The following SPP2 variants were observed in gnomAD, a reference collection of about 807,000 sequenced individuals.
SPP2 encodes the protein secreted phosphoprotein 24.
Under a neutral mutation model 28.8 loss-of-function variants are expected in SPP2, and 34 were observed. That is an observed-to-expected ratio of 1.18 (90% CI 0.90 to 1.57). The LOEUF is 1.57. SPP2 is among the 40% of genes most tolerant of loss of function. SPP2 has a pLI of 0.00. For missense variants in SPP2, 269 were observed against 263.9 expected (o/e 1.02, Z -0.13); for synonymous variants, 96 against 89.4 (o/e 1.07, Z -0.42).
intron 2 of SPP2, among the ~76,000 whole-genome samples, chr2:234,057,563 T>C (rs1693633837): frequency 6.6e-6 from 1 of 152,246 alleles, no homozygotes; most frequent in African/African-American, 2.4e-5. Context: ...CTTGGATAGT[T>C]TTCTTTGATG....
In SPP2 at chr2:234,063,186, T is replaced by C. The variant is rs140863894; in HGVS notation, c.444+2707T>C. Among the ~76,000 whole-genome samples the C allele has an allele frequency of 2.0e-5, 3 of 151,934 alleles. No homozygotes were observed. In the East Asian group the frequency reaches 5.8e-4, roughly 29 times the overall value. Reference sequence around the variant, plus strand: ...AAAAAAAATGGCAATATTATAAATATGAAAGACATTAGATTAGGATACATT... The same window carrying C: ...AAAAAAAATGGCAATATTATAAATACGAAAGACATTAGATTAGGATACATT... On this transcript the variant is annotated intron_variant, in intron 4 of 7. Transcript: ENST00000168148.
Position 234,050,756 on chromosome 2 carries a change from G to A in SPP2, c.-31G>A, listed in dbSNP as rs775834008. On this transcript the variant is annotated 5_prime_UTR_variant, in exon 1 of 8. Transcript: ENST00000168148. ...AAGAACTGTCATCCCCAAACACATA[G>A]AGAGACACTCTCTGTCTCTCGATTA... 1 of 1,601,876 alleles carries A rather than the reference G, an allele frequency of 6.2e-7. No homozygotes were observed. Among genetic ancestry groups the A allele is most frequent in the Non-Finnish European group, 8.6e-7 (1 of 1,169,216 alleles).
chr2:234,067,411 G>A (rs1693844070), intron 6 of SPP2, 137 bp downstream of exon 6: 2 of 836,228 alleles, frequency 2.4e-6, no homozygotes, highest in Admixed American at 5.1e-5. Flanking sequence ...AGTAAAAAAG[G>A]AAAAGAATAG....
At chr2:234,067,670 G>T (rs1693850646) in intron 6 of SPP2, among the ~76,000 whole-genome samples, 2 of 150,958 alleles carry the variant, frequency 1.3e-5, no homozygotes, top group Non-Finnish European at 1.5e-5. Context: ...CCAGCTACTC[G>T]GGAGGCTAAG....
At chr2:234,073,437 G>T (rs1038671355) in intron 7 of SPP2, among the ~76,000 whole-genome samples, 22 of 152,152 alleles carry the variant, frequency 1.4e-4, no homozygotes, top group African/African-American at 4.6e-4. Flanking sequence ...GCTCTTTGAA[G>T]GCAGAGACTT....
intron 7 of SPP2, 98 bp downstream of exon 7, chr2:234,070,121 A>G (rs759702979): frequency 1.5e-4 from 142 of 936,294 alleles, no homozygotes; most frequent in Non-Finnish European, 2.0e-4. Context: ...GCAATATGCT[A>G]TTCAAATCCT....
intron 2 of SPP2, among the ~76,000 whole-genome samples, chr2:234,054,741 G>A (rs193190019): frequency 6.6e-6 from 1 of 152,270 alleles, no homozygotes; most frequent in African/African-American, 2.4e-5. Context: ...GGGACAAACA[G>A]TCCATTGCAA....
At chr2:234,074,383 C>T (rs942880329) in intron 7 of SPP2, among the ~76,000 whole-genome samples, 1 of 152,144 alleles carries the variant, frequency 6.6e-6, no homozygotes, top group Admixed American at 6.5e-5. Context: ...ACCACCACCG[C>T]CAGCTTTCTG....
chr2:234,059,038 A>G, intron 3 of SPP2, 80 bp downstream of exon 3: 1 of 1,524,902 alleles, frequency 6.6e-7, no homozygotes, highest in Non-Finnish European at 8.8e-7. Flanking sequence ...CACACAAAGA[A>G]CTTGGTCGCT....
chr2:234,067,325 G>A, intron 6 of SPP2, 51 bp downstream of exon 6: 1 of 1,526,244 alleles, frequency 6.6e-7, no homozygotes, highest in Non-Finnish European at 9.1e-7. Flanking sequence ...TGATCAATCT[G>A]GACTCCTGAG....
In SPP2 at chr2:234,066,581, C is replaced by A. The variant is rs1408593199; in HGVS notation, c.493C>A (p.Leu165Ile). 1 of 1,611,174 alleles carries A rather than the reference C, an allele frequency of 6.2e-7. No individual in the cohort carries two copies. Among genetic ancestry groups the A allele is most frequent in the Non-Finnish European group, 8.5e-7 (1 of 1,179,002 alleles). The change falls in exon 5 of 8, where the codon CTA becomes ATA. Residue 165 changes from leucine (L) to isoleucine (I), a missense_variant. Physicochemically the swap from Leu to Ile is conservative, Grantham distance 5. Coordinates refer to ENST00000168148, the MANE Select transcript of SPP2 (RefSeq NM_006944.3). ...LGSHKWRNNY[L>I]FGLISDESIS... ...ATCTCATAAATGGAGAAACAATTATCTATTTGGTAAGTTAAGATCTGTTCT... is the reference window on the plus strand; with the variant it reads ...ATCTCATAAATGGAGAAACAATTATATATTTGGTAAGTTAAGATCTGTTCT...
chr2:234,075,896 A>G (rs1690885156), intron 7 of SPP2, among the ~76,000 whole-genome samples: 1 of 152,176 alleles, frequency 6.6e-6, no homozygotes, highest in South Asian at 2.1e-4. Context: ...CCTGAAGCAG[A>G]TGCATCTCAG....
At position 234,051,160 on chromosome 2, in the gene SPP2, T is replaced by C. The variant is rs1693489389; in HGVS notation, c.210+65T>C. 6 of 1,567,348 alleles carry C rather than the reference T, an allele frequency of 3.8e-6. No individual in the cohort carries two copies. In the East Asian group the frequency reaches 1.1e-4, roughly 30 times the overall value. On this transcript the variant is annotated intron_variant, in intron 2 of 7. Coordinates refer to ENST00000168148, the MANE Select transcript of SPP2 (RefSeq NM_006944.3). ...TGCTGTCTGCCTTTTGTCAGTTCAT[T>C]GGATATACTTTTAAGAAATTTTCTC...
chr2:234,054,321 G>A (rs1224737110), intron 2 of SPP2, among the ~76,000 whole-genome samples: 2 of 152,128 alleles, frequency 1.3e-5, no homozygotes, highest in Non-Finnish European at 2.9e-5. Context: ...AGGAGTTTGA[G>A]GTCTGTTTTA....
intron 7 of SPP2, among the ~76,000 whole-genome samples, chr2:234,073,761 C>A (rs957279612): frequency 5.3e-5 from 8 of 152,150 alleles, no homozygotes; most frequent in Non-Finnish European, 8.8e-5. Context: ...ATGCATTTTT[C>A]TTTATGTCAC....
intron 5 of SPP2, among the ~76,000 whole-genome samples, 198 bp downstream of exon 5, chr2:234,066,785 A>T (rs533495230): frequency 3.9e-5 from 6 of 152,346 alleles, no homozygotes; most frequent in Admixed American, 3.3e-4. Context: ...ATTCACTTAG[A>T]TATTCCTTTG....
chr2:234,069,256 T>C (rs1693887040), intron 6 of SPP2, among the ~76,000 whole-genome samples: 1 of 152,096 alleles, frequency 6.6e-6, no homozygotes, highest in African/African-American at 2.4e-5. Context: ...ACACAGTCTT[T>C]TATAAACTAA....
At position 234,060,560 on chromosome 2, in the gene SPP2, G is replaced by A. The variant is rs1439038310; in HGVS notation, c.444+81G>A. ...TTGTGAAAAACAGAGTGGTTTGCTGGGTAGCTGGATCATCACCTGGGCTTG... is the reference window on the plus strand; with the variant it reads ...TTGTGAAAAACAGAGTGGTTTGCTGAGTAGCTGGATCATCACCTGGGCTTG... On this transcript the variant is annotated intron_variant, in intron 4 of 7. Transcript: ENST00000168148. 3.5e-6 allele frequency: 4 copies of A among 1,130,110 alleles called. No individual in the cohort carries two copies. The African/African-American group carries it at 6.4e-5, about 18-fold the overall frequency. 70.0% of individuals were successfully genotyped at this position (1,130,110 alleles called of 1,614,324 possible).
intron 4 of SPP2, among the ~76,000 whole-genome samples, chr2:234,063,676 C>A (rs1218041087): frequency 6.6e-6 from 1 of 152,178 alleles, no homozygotes; most frequent in Non-Finnish European, 1.5e-5. Flanking sequence ...CAACCTCGTA[C>A]TGGTGCAGGC....
Sources: allele counts gnomAD v4.1 joint callset (sites outside exome capture counted in the v4.1 genomes callset), GRCh38; gene constraint gnomAD v4.1.1; transcripts MANE v1.5; gene names NCBI Gene and HGNC (gene_info 2026-07-23, HGNC 2026-07-21).